FBH1: variants seen among roughly 807,000 people sequenced by gnomAD.
FBH1 encodes the protein F-box DNA helicase 1, also known as DNA 3'-5' helicase 1.
In FBH1, 43 loss-of-function variants were observed where a neutral mutation model predicts 115.5. The ratio of observed to expected loss-of-function variants is 0.37; its 90% CI spans 0.29 to 0.48. The LOEUF (loss-of-function observed/expected upper bound fraction) is 0.48, where lower values mean the gene tolerates loss of function less well. Ranked by LOEUF, FBH1 falls within the 20% of genes least tolerant of loss-of-function variation. The pLI is 0.99. For synonymous variants in FBH1, 524 were observed against 507.8 expected, an observed-to-expected ratio of 1.03 and a Z score of -0.43; for missense variants, 1,001 against 1,337.3, an observed-to-expected ratio of 0.75 and a Z score of 3.92.
Position 5,921,363 on chromosome 10 carries a change from G to C in FBH1, c.2200+6G>C. ...GGTTGGAGGAAACCATCAGAGTAAG[G>C]CTTTTAGTTACTCTTCTCTTTTGTG... is the stretch of plus-strand genomic sequence containing the variant. On this transcript the variant is annotated splice_donor_region_variant and intron_variant, in intron 14 of 20. Coordinates refer to ENST00000362091, the MANE Select transcript of FBH1 (RefSeq NM_178150.3). The surrounding 1 kb of genome is among the most constrained non-coding windows in gnomAD (Gnocchi z 6.4). 1 of 1,613,620 alleles carries C rather than the reference G, an allele frequency of 6.2e-7. No individual in the cohort carries two copies. The highest frequency in any genetic ancestry group is 8.5e-7 in the Non-Finnish European group (1 of 1,179,840).
intron 15 of FBH1, among the ~76,000 whole-genome samples, chr10:5,922,158 A>G (rs980087869): frequency 1.3e-5 from 2 of 152,242 alleles, no homozygotes; most frequent in African/African-American, 4.8e-5. Flanking sequence ...AGAGCCTACT[A>G]TGCATTAGGC....
chr10:5,897,348 T>A lies in FBH1; in HGVS notation c.2-5672T>A, dbSNP rs1033763953. ...CCTCGGAGGGGCTTTAAGGGAACAT[T>A]AAGTGTAAAGCGTGTAATTGCAGAG... On this transcript the variant is annotated intron_variant, in intron 1 of 20. Coordinates refer to ENST00000362091, the MANE Select transcript of FBH1 (RefSeq NM_178150.3). The surrounding 1 kb of genome is among the most constrained non-coding windows in gnomAD (Gnocchi z 4.7). Among the ~76,000 whole-genome samples, 2 of 151,956 alleles carry A rather than the reference T, an allele frequency of 1.3e-5. No individual in the cohort carries two copies. The highest frequency in any genetic ancestry group is 2.1e-4 in the South Asian group (1 of 4,806).
chr10:5,931,514 T>TA lies in FBH1; in HGVS notation c.2829+3974dup. On this transcript the variant is annotated intron_variant, in intron 19 of 20. Transcript: ENST00000362091. The surrounding 1 kb of genome is among the most constrained non-coding windows in gnomAD (Gnocchi z 4.3). ...TTTCTCACACTTGAATCTTTTCTCATACACTGAAATCTTGGTTCCTAATAG... is the reference window on the plus strand; with the variant it reads ...TTTCTCACACTTGAATCTTTTCTCATAACACTGAAATCTTGGTTCCTAATAG... 6.6e-6 allele frequency among the ~76,000 whole-genome samples: 1 copy of TA among 152,336 alleles called. No individual in the cohort carries two copies. Among genetic ancestry groups the TA allele is most frequent in the East Asian group, 1.9e-4 (1 of 5,188 alleles).
In FBH1 at chr10:5,911,283, G is replaced by T. The variant is rs1322777829; in HGVS notation, c.1211+155G>T. On this transcript the variant is annotated intron_variant, in intron 6 of 20. Coordinates refer to ENST00000362091, the MANE Select transcript of FBH1 (RefSeq NM_178150.3). This position sits in a 1 kb window ranked among gnomAD's most constrained non-coding sequence, Gnocchi z 5.4. ...GTGTCATCTTCTGCAGGAGCCAGGG[G>T]CTGAGAGTTTGATGTGGAAAGGCTG... is the stretch of plus-strand genomic sequence containing the variant. 6.6e-6 allele frequency among the ~76,000 whole-genome samples: 1 copy of T among 152,244 alleles called. No homozygotes were observed. Among genetic ancestry groups the T allele is most frequent in the Non-Finnish European group, 1.5e-5 (1 of 68,046 alleles).
rs1415362237 is a variant in FBH1, at chr10:5,906,973, T to C, written c.753+341T>C. 6.6e-6 allele frequency among the ~76,000 whole-genome samples: 1 copy of C among 152,014 alleles called. No homozygotes were observed. Among genetic ancestry groups the C allele is most frequent in the African/African-American group, 2.4e-5 (1 of 41,406 alleles). On this transcript the variant is annotated intron_variant, in intron 3 of 20. Transcript: ENST00000362091. The surrounding 1 kb of genome is among the most constrained non-coding windows in gnomAD (Gnocchi z 7.3). ...CATATCTCCCTTGACTTCTTTTTTT[T>C]TTTTTTTGAGACAGAGTTTCCCACT...
Position 5,903,041 on chromosome 10 carries a change from A to G in FBH1, c.23A>G (p.His8Arg), listed in dbSNP as rs1843453778. The change falls in exon 2 of 21, where the codon CAT (histidine) becomes CGT (arginine). Residue 8 changes from histidine (H) to arginine (R), a missense_variant. Physicochemically the swap from His to Arg is conservative, Grantham distance 29. This residue lies in a region of FBH1 where 420 missense variants were observed against 430.4 expected (regional missense o/e 0.98). Coordinates refer to ENST00000362091, the MANE Select transcript of FBH1 (RefSeq NM_178150.3). MRRFKRK[H>R]LTAIDCQHLA... ...ACAGTGAGACGGTTTAAGCGGAAGC[A>G]TCTTACTGCCATTGACTGCCAGCAT... is the stretch of plus-strand genomic sequence containing the variant. 1.9e-6 allele frequency: 3 copies of G among 1,612,752 alleles called. No individual in the cohort carries two copies. Among genetic ancestry groups the G allele is most frequent in the Non-Finnish European group, 2.5e-6 (3 of 1,179,348 alleles).
chr10:5,921,236 C>T lies in FBH1; in HGVS notation c.2101-22C>T, dbSNP rs1832295954. ...CACACCACAGGGCGGGCTGCTGACT[C>T]CCTCTGTCTTGTTGTTTTCAGAGTT... On this transcript the variant is annotated intron_variant, in intron 13 of 20. Transcript: ENST00000362091. The surrounding 1 kb of genome is among the most constrained non-coding windows in gnomAD (Gnocchi z 6.4). The T allele has an allele frequency of 1.2e-6, 2 of 1,611,088 alleles. No homozygotes were observed. The highest frequency in any genetic ancestry group is 4.5e-5 in the East Asian group (2 of 44,862).
At chr10:5,890,235 G>A, upstream of FBH1, 1 of 358,736 alleles carries the variant, frequency 2.8e-6, no homozygotes, top group East Asian at 4.3e-5. Context: ...GGGCGTCTCG[G>A]GCTCCAGGTC....
chr10:5,920,065 A>G (rs1254437662), intron 13 of FBH1, among the ~76,000 whole-genome samples: 1 of 152,250 alleles, frequency 6.6e-6, no homozygotes, highest in Non-Finnish European at 1.5e-5. Context: ...CCAGGATCCC[A>G]CATTACATGT....
chr10:5,891,467 G>A (rs991450560), intron 1 of FBH1, among the ~76,000 whole-genome samples: 1 of 152,192 alleles, frequency 6.6e-6, no homozygotes, highest in African/African-American at 2.4e-5. Context: ...CAAATTGGAA[G>A]TTGAGGCATC....
intron 2 of FBH1, among the ~76,000 whole-genome samples, chr10:5,904,171 A>G (rs893768920): frequency 6.6e-6 from 1 of 151,836 alleles, no homozygotes; most frequent in African/African-American, 2.4e-5. Context: ...GCTGGGACTT[A>G]CAGGCGCGCG....
Position 5,900,390 on chromosome 10 carries a change from A to G in FBH1, c.2-2630A>G, listed in dbSNP as rs1355045056. Among the ~76,000 whole-genome samples, 1 of 152,260 alleles carries G rather than the reference A, an allele frequency of 6.6e-6. No individual in the cohort carries two copies. The highest frequency in any genetic ancestry group is 1.5e-5 in the Non-Finnish European group (1 of 68,036). ...AGACTTAGAGACCTGAGGTGCCCTG[A>G]AGCCATAGAGCAACCAAGTGGCCAG... On this transcript the variant is annotated intron_variant, in intron 1 of 20. Transcript: ENST00000362091. The surrounding 1 kb of genome is among the most constrained non-coding windows in gnomAD (Gnocchi z 4.2).
rs144792722 is a variant in FBH1, at chr10:5,895,166, G to A, written c.1+4820G>A. 6.2e-7 allele frequency: 1 copy of A among 1,613,576 alleles called. No homozygotes were observed. The highest frequency in any genetic ancestry group is 8.5e-7 in the Non-Finnish European group (1 of 1,179,804). On this transcript the variant is annotated intron_variant, in intron 1 of 20. Coordinates refer to ENST00000362091, the MANE Select transcript of FBH1 (RefSeq NM_178150.3). This position sits in a 1 kb window ranked among gnomAD's most constrained non-coding sequence, Gnocchi z 5.0. ...CCAGAGGACGAGTGCCCACTTGCTG[G>A]TCTTCACAGAGCACGCTGAAAGTAA...
At chr10:5,905,362 A>G (rs1427141672) in intron 2 of FBH1, 1 of 152,218 alleles carries the variant, frequency 6.6e-6, no homozygotes, top group Non-Finnish European at 1.5e-5. Context: ...CTACTAAAAT[A>G]CAAAAATGAG....
intron 6 of FBH1, among the ~76,000 whole-genome samples, chr10:5,912,711 C>T (rs1458606603): frequency 1.3e-5 from 2 of 152,218 alleles, no homozygotes; most frequent in Admixed American, 6.5e-5. Context: ...AGAACACTGG[C>T]GTCTCCTCTT....
chr10:5,904,667 C>T (rs1467816082), intron 2 of FBH1, among the ~76,000 whole-genome samples: 1 of 152,024 alleles, frequency 6.6e-6, no homozygotes, highest in African/African-American at 2.4e-5. Flanking sequence ...GCCAGCCCAG[C>T]CTGGGCAACA....
Position 5,895,477 on chromosome 10 carries a change from A to C in FBH1, c.1+5131A>C, listed in dbSNP as rs1369960153. Among the ~76,000 whole-genome samples, 1 of 152,086 alleles carries C rather than the reference A, an allele frequency of 6.6e-6. No homozygotes were observed. The highest frequency in any genetic ancestry group is 1.5e-5 in the Non-Finnish European group (1 of 68,018). On this transcript the variant is annotated intron_variant, in intron 1 of 20. Transcript: ENST00000362091. The surrounding 1 kb of genome is among the most constrained non-coding windows in gnomAD (Gnocchi z 5.0). ...CTTTTTGGTATGAATTCTGATTAGTAAAGGTAGAGGAAGAAAGGAAATTAT... is the reference window on the plus strand; with the variant it reads ...CTTTTTGGTATGAATTCTGATTAGTCAAGGTAGAGGAAGAAAGGAAATTAT...
At chr10:5,926,834 C>G (rs1414256206) in intron 18 of FBH1, among the ~76,000 whole-genome samples, 1 of 152,238 alleles carries the variant, frequency 6.6e-6, no homozygotes, top group African/African-American at 2.4e-5. Context: ...GTCTGCTGTT[C>G]TTTGTTGAGT....
rs146670441 is a variant in FBH1, at chr10:5,906,431, T to C, written c.552T>C (p.Ala184=). The change falls in exon 3 of 21, where the codon GCT becomes GCC. Residue 184 remains alanine, a synonymous_variant. Coordinates refer to ENST00000362091, the MANE Select transcript of FBH1 (RefSeq NM_178150.3). The surrounding 1 kb of genome is among the most constrained non-coding windows in gnomAD (Gnocchi z 7.3). ...AGTCTGGTGAAACCGACCAAGATGC[T>C]GGGGACGTGGGTCCTGATCCCATTC... is the stretch of plus-strand genomic sequence containing the variant. ...SAESGETDQD[A]GDVGPDPIPD... is the part of the protein sequence containing the mutation. 471 of 1,614,188 alleles carry C rather than the reference T, an allele frequency of 2.9e-4. 1 individual carries two copies. Among genetic ancestry groups the C allele is most frequent in the Admixed American group, 7.0e-4 (42 of 60,024 alleles).
Sources: allele counts gnomAD v4.1 joint callset (sites outside exome capture counted in the v4.1 genomes callset), GRCh38; gene constraint gnomAD v4.1.1; regional missense constraint gnomAD v4.1.1; non-coding constraint Gnocchi (gnomAD v3.1); transcripts MANE v1.5; gene names NCBI Gene and HGNC (gene_info 2026-07-23, HGNC 2026-07-21).